ROBO2: variants seen among roughly 807,000 people sequenced by gnomAD.
The protein encoded by ROBO2 is roundabout guidance receptor 2.
A neutral mutation model predicts 160.8 loss-of-function variants in ROBO2; 53 were observed. That is an observed-to-expected ratio of 0.33 (90% CI 0.26 to 0.41). The LOEUF is 0.41. ROBO2 is among the 10% of genes least tolerant of loss of function. The pLI is 1.00. For synonymous variants in ROBO2, 664 were observed against 611.7 expected, an observed-to-expected ratio of 1.09 and a Z score of -1.26; for missense variants, 1,577 against 1,722.4, an observed-to-expected ratio of 0.92 and a Z score of 1.49.
intron 2 of ROBO2, among the ~76,000 whole-genome samples, chr3:76,134,316 C>G (rs2071345997): frequency 6.6e-6 from 1 of 151,816 alleles, no homozygotes; most frequent in African/African-American, 2.4e-5. Flanking sequence ...ATACAGAAAA[C>G]TGGGGCAGAC....
intron 2 of ROBO2, among the ~76,000 whole-genome samples, chr3:77,250,653 T>A (rs1040092392): frequency 6.6e-6 from 1 of 152,190 alleles, no homozygotes; most frequent in African/African-American, 2.4e-5. Flanking sequence ...TAATTTACAA[T>A]GAAGAGAAAT....
intron 2 of ROBO2, among the ~76,000 whole-genome samples, chr3:76,513,689 T>A (rs1198983191): frequency 6.6e-6 from 1 of 152,246 alleles, no homozygotes; most frequent in Non-Finnish European, 1.5e-5. Flanking sequence ...CACACTGACT[T>A]AATTTGAAAA....
intron 2 of ROBO2, among the ~76,000 whole-genome samples, chr3:77,121,948 G>T (rs1226157675): frequency 1.3e-5 from 2 of 151,952 alleles, no homozygotes; most frequent in African/African-American, 4.8e-5. Flanking sequence ...AAATTTAATG[G>T]CAGGGTAGAT....
rs1474465242 is a variant in ROBO2, at chr3:76,070,288, CCT to C, written c.109+132687_109+132688del. 5.3e-5 allele frequency among the ~76,000 whole-genome samples: 8 copies of C among 152,254 alleles called. No individual in the cohort carries two copies. In the East Asian group the frequency reaches 1.2e-3, roughly 22 times the overall value. On this transcript the variant is annotated intron_variant, in intron 2 of 26. Transcript: ENST00000487694. Reference sequence around the variant, plus strand: ...AATTCTTTTTCTCAGCATGGAACATCCTTGAGAAAGAGTATGCGCACCTGGGG... The same window carrying C: ...AATTCTTTTTCTCAGCATGGAACATCTGAGAAAGAGTATGCGCACCTGGGG...
chr3:76,483,495 C>A (rs2079321958), intron 2 of ROBO2, among the ~76,000 whole-genome samples: 1 of 152,030 alleles, frequency 6.6e-6, no homozygotes, highest in Non-Finnish European at 1.5e-5. Flanking sequence ...TTACAAGTCG[C>A]ATATGTAACC....
intron 23 of ROBO2, chr3:77,628,980 C>T (rs1050863363): frequency 2.0e-5 from 3 of 152,200 alleles, no homozygotes; most frequent in Admixed American, 1.3e-4. Flanking sequence ...CCAATACTCA[C>T]TTGAAGCCCT....
At chr3:76,841,322 T>C (rs2068238498) in intron 2 of ROBO2, among the ~76,000 whole-genome samples, 1 of 152,122 alleles carries the variant, frequency 6.6e-6, no homozygotes, top group Non-Finnish European at 1.5e-5. Context: ...CTCTCCACGA[T>C]TTCCTCTGTA....
At chr3:76,762,377 T>C (rs2061354805) in intron 2 of ROBO2, among the ~76,000 whole-genome samples, 2 of 151,334 alleles carry the variant, frequency 1.3e-5, no homozygotes, top group South Asian at 4.2e-4. Context: ...CAAATATTTA[T>C]GCAATAAAAT....
intron 2 of ROBO2, among the ~76,000 whole-genome samples, chr3:75,991,151 C>T (rs2107511678): frequency 6.6e-6 from 1 of 152,264 alleles, no homozygotes; most frequent in Middle Eastern, 3.4e-3. Flanking sequence ...CATAATAAAT[C>T]TCTCTATCTA....
intron 2 of ROBO2, among the ~76,000 whole-genome samples, chr3:76,395,796 C>T (rs148204578): frequency 0.022 from 3,411 of 152,190 alleles, 68 homozygotes; most frequent in Non-Finnish European, 0.032. Flanking sequence ...TCTGAATAGA[C>T]CAATAACAGG....
At chr3:76,168,441 C>A in intron 2 of ROBO2, among the ~76,000 whole-genome samples, 1 of 151,968 alleles carries the variant, frequency 6.6e-6, no homozygotes, top group East Asian at 1.9e-4. Flanking sequence ...TTCGTTTATT[C>A]TCTTTTCTGT....
In ROBO2 at chr3:77,348,392, A is replaced by G. The variant is rs1466687523; in HGVS notation, c.389-129022A>G. On this transcript the variant is annotated intron_variant, in intron 2 of 25. Coordinates refer to ENST00000461745, the Ensembl canonical transcript of ROBO2. ...AAACTTTCATGGCGCTGGTGCGAGT[A>G]TAACAGTGAGAACCACCAGAGGTCA... Among the ~76,000 whole-genome samples the G allele has an allele frequency of 4.6e-5, 7 of 152,090 alleles. No individual in the cohort carries two copies. The East Asian group carries it at 1.2e-3, about 25-fold the overall frequency.
intron 2 of ROBO2, among the ~76,000 whole-genome samples, chr3:77,218,555 G>T (rs1414089896): frequency 6.6e-6 from 1 of 151,948 alleles, no homozygotes; most frequent in Non-Finnish European, 1.5e-5. Context: ...GTATTTTTTA[G>T]TAGAGATGGG....
chr3:77,593,313 A>G (rs1355995476), intron 17 of ROBO2, among the ~76,000 whole-genome samples: 1 of 151,708 alleles, frequency 6.6e-6, no homozygotes, highest in Non-Finnish European at 1.5e-5. Context: ...CATTTATTTA[A>G]TATCTCCAGT....
chr3:77,612,265 A>C (rs915591486), intron 21 of ROBO2, among the ~76,000 whole-genome samples: 2 of 152,232 alleles, frequency 1.3e-5, no homozygotes, highest in African/African-American at 4.8e-5. Context: ...TAAGATGTAT[A>C]TCTGTAAAAT....
intron 2 of ROBO2, among the ~76,000 whole-genome samples, chr3:76,400,410 A>G (rs2077746280): frequency 1.3e-5 from 2 of 151,670 alleles, no homozygotes; most frequent in African/African-American, 4.8e-5. Flanking sequence ...GGCATAGAAT[A>G]TAAAAGTTCT....
At chr3:76,639,749 AACC>A (rs1653539840) in intron 2 of ROBO2, among the ~76,000 whole-genome samples, 1 of 152,190 alleles carries the variant, frequency 6.6e-6, no homozygotes, top group Non-Finnish European at 1.5e-5. Flanking sequence ...CTCCAACAGA[AACC>A]ATAGGGCTAA....
intron 2 of ROBO2, among the ~76,000 whole-genome samples, chr3:76,832,272 T>C (rs984671952): frequency 6.6e-6 from 1 of 152,220 alleles, no homozygotes; most frequent in Non-Finnish European, 1.5e-5. Context: ...TAAATAAGCA[T>C]AGAATTTCAG....
intron 2 of ROBO2, among the ~76,000 whole-genome samples, chr3:76,179,646 A>G (rs1232971930): frequency 4.6e-5 from 7 of 151,998 alleles, no homozygotes; most frequent in African/African-American, 1.7e-4. Context: ...CTTCCAATTC[A>G]TCTGCCTGGG....
Sources: allele counts gnomAD v4.1 joint callset (sites outside exome capture counted in the v4.1 genomes callset), GRCh38; gene constraint gnomAD v4.1.1; transcripts MANE v1.5; gene names NCBI Gene and HGNC (gene_info 2026-07-23, HGNC 2026-07-21).